NECTIN3: variants seen among roughly 807,000 people sequenced by gnomAD.
NECTIN3 encodes nectin-3.
NECTIN3 carries 8 observed loss-of-function variants against 49.4 expected under a neutral mutation model. The ratio of observed to expected loss-of-function variants is 0.16; its 90% confidence interval spans 0.10 to 0.29. The LOEUF is 0.29. NECTIN3 is among the 10% of genes least tolerant of loss of function. NECTIN3 has a pLI of 1.00. For missense variants in NECTIN3, 581 were observed against 654.6 expected (o/e 0.89, Z 1.23); for synonymous variants, 277 against 241.1 (o/e 1.15, Z -1.38).
In NECTIN3 at chr3:111,126,256, C is replaced by G. The variant is rs2034159367; in HGVS notation, c.990C>G (p.Phe330Leu). ...TTCATTTTGTCCATCCATTGACTTT[C>G]AATTATTCTGGTGTTTATATCTGTA... Reference protein sequence around the residue: ...NTLHFVHPLTFNYSGVYICKV... With the variant: ...NTLHFVHPLTLNYSGVYICKV... The change falls in exon 5 of 6, where the codon TTC becomes TTG. Residue 330 changes from phenylalanine (F) to leucine (L), a missense_variant. By Grantham distance (22) the Phe-to-Leu change is conservative. Around this residue, in one of 3 missense-constraint regions of NECTIN3, gnomAD observed 234 missense variants for 340.6 expected, o/e 0.69. Coordinates refer to ENST00000485303, the MANE Select transcript of NECTIN3 (RefSeq NM_015480.3). The G allele has an allele frequency of 6.2e-7, 1 of 1,610,086 alleles. No individual in the cohort carries two copies. Among genetic ancestry groups the G allele is most frequent in the East Asian group, 2.2e-5 (1 of 44,602 alleles).
chr3:111,101,773 A>T (rs2032919791), intron 1 of NECTIN3, among the ~76,000 whole-genome samples: 1 of 152,206 alleles, frequency 6.6e-6, no homozygotes, highest in African/African-American at 2.4e-5. Context: ...GTACTGTTTT[A>T]GAAAATGCTA....
chr3:111,152,034 A>G (rs1029998135), intron 7 of NECTIN3, among the ~76,000 whole-genome samples: 2 of 151,882 alleles, frequency 1.3e-5, no homozygotes, highest in Non-Finnish European at 2.9e-5. Flanking sequence ...CTTGTTACAT[A>G]TCTTGCCATT....
chr3:111,076,049 G>A (rs2107350427), intron 1 of NECTIN3, among the ~76,000 whole-genome samples: 1 of 152,204 alleles, frequency 6.6e-6, no homozygotes, highest in Admixed American at 6.5e-5. Flanking sequence ...CTTTCTTGCA[G>A]TTATCTACAA....
intron 5 of NECTIN3, among the ~76,000 whole-genome samples, chr3:111,143,633 G>C (rs996119783): frequency 6.6e-6 from 1 of 151,878 alleles, no homozygotes; most frequent in East Asian, 1.9e-4. Context: ...TAACTTTGCC[G>C]TGTCTGGGTC....
intron 5 of NECTIN3, among the ~76,000 whole-genome samples, chr3:111,126,775 C>G (rs2107479737): frequency 6.6e-6 from 1 of 152,180 alleles, no homozygotes; most frequent in South Asian, 2.1e-4. Context: ...TTGTTTCCCA[C>G]TTAATATGGG....
chr3:111,149,117 T>G (rs1042897386), intron 7 of NECTIN3, among the ~76,000 whole-genome samples: 2 of 152,162 alleles, frequency 1.3e-5, no homozygotes, highest in Non-Finnish European at 2.9e-5. Flanking sequence ...TTGCATGGTT[T>G]GAGAGCACTT....
In NECTIN3 at chr3:111,134,200, G is replaced by A. The variant is rs1224476333; in HGVS notation, c.1635G>A (p.Arg545=). The A allele has an allele frequency of 1.2e-6, 2 of 1,600,524 alleles. No individual in the cohort carries two copies. The highest frequency in any genetic ancestry group is 1.7e-5 in the Admixed American group (1 of 58,790). ...TAGATGGTTCCGTAATTTCCAGGAGGGAGTGGTATGTTTAGCAACCACTGA... is the reference window on the plus strand; with the variant it reads ...TAGATGGTTCCGTAATTTCCAGGAGAGAGTGGTATGTTTAGCAACCACTGA... ...SHVDGSVISR[R]EWYV The change falls in exon 6 of 6, where the codon AGG becomes AGA. Residue 545 remains arginine, a synonymous_variant. Transcript: ENST00000485303.
chr3:111,118,248 C>CTATATATA (rs34878535), intron 2 of NECTIN3, among the ~76,000 whole-genome samples: 9,686 of 77,346 alleles, frequency 0.13, 916 homozygotes, highest in Non-Finnish European at 0.16. Flanking sequence ...TAAAATGAAG[C>CTATATATA]TATATATATA....
chr3:111,156,946 C>T (rs930923545), intron 7 of NECTIN3, among the ~76,000 whole-genome samples: 4 of 152,188 alleles, frequency 2.6e-5, no homozygotes, highest in South Asian at 2.1e-4. Context: ...GGAATGTGTT[C>T]GGGGCAAGCA....
At chr3:111,152,049 C>T (rs892996787) in intron 7 of NECTIN3, among the ~76,000 whole-genome samples, 2 of 151,778 alleles carry the variant, frequency 1.3e-5, no homozygotes, top group African/African-American at 2.4e-5. Flanking sequence ...GCCATTTTCT[C>T]CTAAAATATA....
chr3:111,162,651 A>G (rs1402370940), intron 7 of NECTIN3, among the ~76,000 whole-genome samples: 1 of 152,204 alleles, frequency 6.6e-6, no homozygotes, highest in East Asian at 1.9e-4. Flanking sequence ...TTCATTATAT[A>G]TATAATTTTG....
chr3:111,170,918 G>A (rs1047492973), intron 7 of NECTIN3, among the ~76,000 whole-genome samples: 1 of 152,178 alleles, frequency 6.6e-6, no homozygotes, highest in African/African-American at 2.4e-5. Flanking sequence ...CAAGGATTAA[G>A]TAATTTTACC....
intron 1 of NECTIN3, among the ~76,000 whole-genome samples, chr3:111,093,558 C>T (rs900479920): frequency 2.0e-5 from 3 of 151,926 alleles, no homozygotes; most frequent in Non-Finnish European, 4.4e-5. Flanking sequence ...CCCCAGCCTC[C>T]TGAGTAACTA....
intron 5 of NECTIN3, among the ~76,000 whole-genome samples, chr3:111,132,857 C>T (rs2107492373): frequency 6.6e-6 from 1 of 152,038 alleles, no homozygotes; most frequent in South Asian, 2.1e-4. Context: ...GGGTGTTAGA[C>T]ATGGTGATGA....
rs1690768513 is a variant in NECTIN3 at position 111,136,475 on chromosome 3, T to A, written c.*2260T>A. On this transcript the variant is annotated 3_prime_UTR_variant, in exon 6 of 6. Coordinates refer to ENST00000485303, the MANE Select transcript of NECTIN3 (RefSeq NM_015480.3). Reference sequence around the variant, plus strand: ...TTGGCAAACTAAAAGGTTTCTGTGTTGTAAGAATCTGATACTAGTGCTTAA... The same window carrying A: ...TTGGCAAACTAAAAGGTTTCTGTGTAGTAAGAATCTGATACTAGTGCTTAA... 3.0e-6 allele frequency: 3 copies of A among 983,782 alleles called. No individual in the cohort carries two copies. Among genetic ancestry groups the A allele is most frequent in the African/African-American group, 1.7e-5 (1 of 57,144 alleles). The allele number at this position is 983,782 out of a possible 1,614,324, so 60.9% of individuals were successfully genotyped here. A position where few individuals can be genotyped will look rare whatever the true frequency, so the allele number is the denominator to read the frequency against.
intron 5 of NECTIN3, among the ~76,000 whole-genome samples, chr3:111,144,405 TAC>T (rs1376046058): frequency 6.6e-6 from 1 of 151,740 alleles, no homozygotes; most frequent in African/African-American, 2.4e-5. Context: ...TTTCAAATTT[TAC>T]AGTGTCCAAT....
At chr3:111,145,075 C>T in intron 6 of NECTIN3, 2 of 1,502,696 alleles carry the variant, frequency 1.3e-6, no homozygotes, top group East Asian at 4.9e-5. Flanking sequence ...CTATGAATAT[C>T]AGTATGTGTC....
At chr3:111,148,660 G>A (rs1303625706) in intron 7 of NECTIN3, among the ~76,000 whole-genome samples, 1 of 152,170 alleles carries the variant, frequency 6.6e-6, no homozygotes, top group South Asian at 2.1e-4. Context: ...AAGTTGATCT[G>A]CTTTTCATGA....
At chr3:111,078,162 A>G (rs951375631) in intron 1 of NECTIN3, among the ~76,000 whole-genome samples, 8 of 152,172 alleles carry the variant, frequency 5.3e-5, no homozygotes, top group Non-Finnish European at 1.2e-4. Flanking sequence ...ACCAGTTTGG[A>G]TAGTTCAAGT....
Sources: gnomAD v4.1 joint callset for allele counts (sites outside exome capture counted in the v4.1 genomes callset) on GRCh38, gnomAD v4.1.1 for gene constraint, gnomAD v4.1.1 regional missense constraint, MANE v1.5 for transcripts, NCBI Gene and HGNC (gene_info 2026-07-23, HGNC 2026-07-21) for gene names.